Variants in GRM8 observed in about 807,000 individuals in gnomAD.
The protein encoded by GRM8 is metabotropic glutamate receptor 8.
In GRM8, 47 loss-of-function variants were observed where a neutral mutation model predicts 87.2. The observed-to-expected ratio is 0.54, with a 90% confidence interval of 0.43 to 0.69. The LOEUF is 0.69. Ranked by LOEUF, GRM8 falls within the 30% of genes least tolerant of loss-of-function variation. The pLI is 0.00. For synonymous variants in GRM8, 396 were observed against 404.5 expected (o/e 0.98, Z 0.25); for missense variants, 1,019 against 1,139.2 (o/e 0.89, Z 1.52).
chr7:126,690,301 A>G (rs910015718), intron 7 of GRM8, among the ~76,000 whole-genome samples: 4 of 152,196 alleles, frequency 2.6e-5, no homozygotes, highest in African/African-American at 9.6e-5. Context: ...GGTGAGGGGT[A>G]TGTGAGCAAG....
intron 6 of GRM8, among the ~76,000 whole-genome samples, chr7:126,818,351 C>T (rs1001063113): frequency 6.6e-6 from 1 of 152,016 alleles, no homozygotes; most frequent in African/African-American, 2.4e-5. Context: ...ATTTAATTTT[C>T]TGTGGTATTG....
chr7:126,769,754 A>G, intron 7 of GRM8, 111 bp downstream of exon 7: 1 of 669,332 alleles, frequency 1.5e-6, no homozygotes, highest in South Asian at 1.9e-5. Context: ...AAAGAAGAGA[A>G]CTGCTTCTAA....
chr7:126,550,498 G>C (rs755776021), intron 8 of GRM8, among the ~76,000 whole-genome samples: 1 of 152,020 alleles, frequency 6.6e-6, no homozygotes, highest in Non-Finnish European at 1.5e-5. Flanking sequence ...CACATTTTCT[G>C]ATAACTTTGT....
intron 3 of GRM8, among the ~76,000 whole-genome samples, chr7:127,028,959 T>G (rs1817083212): frequency 6.6e-6 from 1 of 152,194 alleles, no homozygotes; most frequent in African/African-American, 2.4e-5. Flanking sequence ...TCCTGCTTTC[T>G]TTTGTGGGCA....
rs992082811 is a variant in GRM8 at position 126,760,438 on chromosome 7, C to T, written c.1357+9427G>A. ...TATAAAAGAAATCAGACTTTGAAAACCCCACAGTTTAACACCTCACTCGGT... is the reference window on the plus strand; with the variant it reads ...TATAAAAGAAATCAGACTTTGAAAATCCCACAGTTTAACACCTCACTCGGT... On this transcript the variant is annotated intron_variant, in intron 7 of 10. Transcript: ENST00000339582. Among the ~76,000 whole-genome samples, 8 of 152,110 alleles carry T rather than the reference C, an allele frequency of 5.3e-5. No individual in the cohort carries two copies. In the East Asian group the frequency reaches 1.3e-3, roughly 26 times the overall value.
chr7:126,732,238 A>G (rs1157508077), intron 7 of GRM8, among the ~76,000 whole-genome samples: 2 of 152,158 alleles, frequency 1.3e-5, no homozygotes, highest in Admixed American at 6.5e-5. Flanking sequence ...CAGGCAGATT[A>G]TTAATGATGA....
chr7:126,679,259 C>A (rs1021999529), intron 7 of GRM8, among the ~76,000 whole-genome samples: 1 of 152,154 alleles, frequency 6.6e-6, no homozygotes, highest in African/African-American at 2.4e-5. Context: ...ATTATTGCAT[C>A]AAATGTACAT....
intron 2 of GRM8, among the ~76,000 whole-genome samples, chr7:127,230,615 CT>C (rs1797624563): frequency 6.6e-6 from 1 of 152,144 alleles, no homozygotes; most frequent in South Asian, 2.1e-4. Flanking sequence ...AAGATGGCAT[CT>C]TTAAGAGGTA....
intron 6 of GRM8, among the ~76,000 whole-genome samples, chr7:126,885,575 G>A (rs777719549): frequency 9.2e-5 from 14 of 152,100 alleles, no homozygotes; most frequent in African/African-American, 2.2e-4. Context: ...AAGAAAAGTC[G>A]TGGCTTTTCA....
Position 127,223,990 on chromosome 7 carries a change from A to G in GRM8, c.510+18705T>C, listed in dbSNP as rs17875080. On this transcript the variant is annotated intron_variant, in intron 2 of 10. Coordinates refer to ENST00000339582, the MANE Select transcript of GRM8 (RefSeq NM_000845.3). ...AACAGAGGCCAAAAAAAATCTGTGAACTTACAGATAAAACAATTACCCATA... is the reference window on the plus strand; with the variant it reads ...AACAGAGGCCAAAAAAAATCTGTGAGCTTACAGATAAAACAATTACCCATA... 7.9e-3 allele frequency among the ~76,000 whole-genome samples: 1,203 copies of G among 151,986 alleles called. 11 individuals carry two copies. The highest frequency in any genetic ancestry group is 0.027 in the African/African-American group (1,132 of 41,480).
chr7:126,561,955 CATTTT>C (rs1793755535), intron 8 of GRM8, among the ~76,000 whole-genome samples: 1 of 151,798 alleles, frequency 6.6e-6, no homozygotes, highest in South Asian at 2.1e-4. Flanking sequence ...AACTGGAAAC[CATTTT>C]ATTTATTTAA....
In GRM8 at chr7:126,474,758, G is replaced by A. The variant is rs192573679; in HGVS notation, c.2431-28386C>T. Among the ~76,000 whole-genome samples, 491 of 152,230 alleles carry A rather than the reference G, an allele frequency of 3.2e-3. 1 individual carries two copies. Among genetic ancestry groups the A allele is most frequent in the Middle Eastern group, 0.01 (3 of 294 alleles). ...TAAGACTGGTATGTAAGAAATAACA[G>A]CACATGAAATGTATCATTCATTCAG... On this transcript the variant is annotated intron_variant, in intron 9 of 10. Transcript: ENST00000339582.
chr7:126,448,752 A>G (rs1459057890), intron 9 of GRM8, among the ~76,000 whole-genome samples: 1 of 151,902 alleles, frequency 6.6e-6, no homozygotes, highest in Non-Finnish European at 1.5e-5. Flanking sequence ...CAGGAAAGGC[A>G]TCTAACAAAA....
chr7:126,921,680 GA>G (rs749762749), intron 3 of GRM8, among the ~76,000 whole-genome samples: 8 of 152,018 alleles, frequency 5.3e-5, no homozygotes, highest in Middle Eastern at 3.4e-3. Context: ...AAAATTATAA[GA>G]AAAAATGAGT....
chr7:126,850,297 A>G (rs1797097111), intron 6 of GRM8, among the ~76,000 whole-genome samples: 5 of 152,202 alleles, frequency 3.3e-5, no homozygotes, highest in Admixed American at 2.6e-4. Flanking sequence ...TGTTCTTTTC[A>G]ATATCCTTAA....
At chr7:126,661,395 A>C (rs1355656322) in intron 7 of GRM8, among the ~76,000 whole-genome samples, 1 of 152,218 alleles carries the variant, frequency 6.6e-6, no homozygotes, top group Non-Finnish European at 1.5e-5. Flanking sequence ...TCTAATATAA[A>C]ACATATGTTT....
At chr7:126,615,921 T>C (rs1585233465) in intron 7 of GRM8, among the ~76,000 whole-genome samples, 1 of 152,060 alleles carries the variant, frequency 6.6e-6, no homozygotes, top group Admixed American at 6.6e-5. Context: ...CACACAATAA[T>C]AATGGGAGAC....
At chr7:126,951,135 T>TA (rs139465384) in intron 3 of GRM8, among the ~76,000 whole-genome samples, 3,908 of 152,028 alleles carry the variant, frequency 0.026, 164 homozygotes, top group African/African-American at 0.088. Context: ...ACTGTTAAGG[T>TA]AAAAAAAGCT....
intron 2 of GRM8, among the ~76,000 whole-genome samples, chr7:127,162,961 T>C (rs199706169): frequency 6.6e-6 from 1 of 152,092 alleles, no homozygotes; most frequent in Non-Finnish European, 1.5e-5. Context: ...GAGTAGATTA[T>C]TGTATTTAGT....
Sources: gnomAD v4.1 joint callset for allele counts (sites outside exome capture counted in the v4.1 genomes callset) on GRCh38, gnomAD v4.1.1 for gene constraint, MANE v1.5 for transcripts, NCBI Gene and HGNC (gene_info 2026-07-23, HGNC 2026-07-21) for gene names.